Variants in GABPB2 observed in about 807,000 individuals in gnomAD.
GABPB2 encodes the protein GA binding protein transcription factor subunit beta 2, also known as GA-binding protein subunit beta-2.
Under a neutral mutation model 39.1 loss-of-function variants are expected in GABPB2, and 23 were observed. The ratio of observed to expected loss-of-function variants is 0.59; its 90% CI spans 0.42 to 0.83. The LOEUF is 0.83. Ranked by LOEUF, GABPB2 falls within the 40% of genes least tolerant of loss-of-function variation. The probability of loss-of-function intolerance (pLI) is 0.00; values close to 1 mark genes in which losing one functional copy is unlikely to be tolerated. For missense variants in GABPB2, 467 were observed against 541.1 expected, an observed-to-expected ratio of 0.86 and a Z score of 1.36; for synonymous variants, 184 against 199.3, an observed-to-expected ratio of 0.92 and a Z score of 0.65.
intron 3 of GABPB2, among the ~76,000 whole-genome samples, chr1:151,091,982 G>A (rs2101495948): frequency 6.6e-6 from 1 of 151,722 alleles, no homozygotes. Context: ...GTAGAGAATA[G>A]GGTCTCGTTG....
rs71090131 is a variant in GABPB2 at position 151,111,248 on chromosome 1, C to CT, written c.922+4039dup. On this transcript the variant is annotated intron_variant, in intron 7 of 8. Coordinates refer to ENST00000368918, the MANE Select transcript of GABPB2 (RefSeq NM_144618.3). ...CTACAGCTCCCGAAATTTTTTTTTT[C>CT]TTTTTTTTTTTTTGAGACGGAGTCT... Among the ~76,000 whole-genome samples the CT allele has an allele frequency of 7.0e-3, 1,005 of 142,628 alleles. 5 individuals carry two copies. The highest frequency in any genetic ancestry group is 0.01 in the Non-Finnish European group (656 of 64,822). 93.6% of individuals were successfully genotyped at this position (142,628 alleles called of 152,430 possible).
intron 4 of GABPB2, among the ~76,000 whole-genome samples, chr1:151,094,340 C>T (rs1395489655): frequency 6.6e-6 from 1 of 151,426 alleles, no homozygotes; most frequent in Non-Finnish European, 1.5e-5. Flanking sequence ...GTGTCAGCCA[C>T]TGTGCCGGCT....
chr1:151,124,510 C>T lies in GABPB2; in HGVS notation c.*6254C>T, dbSNP rs901245872. On this transcript the variant is annotated 3_prime_UTR_variant, in exon 9 of 9. Transcript: ENST00000368918. Reference sequence around the variant, plus strand: ...CCATTTTAAGAAAGCTTGTGTGGCTCTCTCCTATCATTACAGACCTCCAGA... The same window carrying T: ...CCATTTTAAGAAAGCTTGTGTGGCTTTCTCCTATCATTACAGACCTCCAGA... The T allele has an allele frequency of 1.3e-4, 19 of 149,706 alleles. No homozygotes were observed. The highest frequency in any genetic ancestry group is 2.4e-4 in the Non-Finnish European group (16 of 67,724). The allele number at this position is 149,706 out of a possible 1,614,324, so 9.3% of individuals were successfully genotyped here. A position where few individuals can be genotyped will look rare whatever the true frequency, so the allele number is the denominator to read the frequency against.
chr1:151,081,629 CATT>C (rs1398743412), intron 1 of GABPB2, among the ~76,000 whole-genome samples: 1 of 151,846 alleles, frequency 6.6e-6, no homozygotes, highest in African/African-American at 2.4e-5. Context: ...GCTGCATTCT[CATT>C]ATTATTTATT....
rs866679913 is a variant in GABPB2, at chr1:151,123,947, G to C, written c.*5691G>C. On this transcript the variant is annotated 3_prime_UTR_variant, in exon 9 of 9. Coordinates refer to ENST00000368918, the MANE Select transcript of GABPB2 (RefSeq NM_144618.3). Reference sequence around the variant, plus strand: ...TGTAATCCCAGCACTTTGGGAGGCCGAGATGGGAGGATCACTTGAGGCCAG... The same window carrying C: ...TGTAATCCCAGCACTTTGGGAGGCCCAGATGGGAGGATCACTTGAGGCCAG... 1.3e-5 allele frequency: 2 copies of C among 150,748 alleles called. No homozygotes were observed. Among genetic ancestry groups the C allele is most frequent in the African/African-American group, 4.9e-5 (2 of 41,026 alleles). The allele number at this position is 150,748 out of a possible 1,614,324, so 9.3% of individuals were successfully genotyped here. A position where few individuals can be genotyped will look rare whatever the true frequency, so the allele number is the denominator to read the frequency against.
intron 5 of GABPB2, among the ~76,000 whole-genome samples, chr1:151,099,228 C>T (rs191477400): frequency 1.7e-3 from 251 of 151,612 alleles, no homozygotes; most frequent in Non-Finnish European, 3.0e-3. Context: ...GGCGGAGTCT[C>T]GCTGTGTTTC....
intron 1 of GABPB2, among the ~76,000 whole-genome samples, chr1:151,086,807 A>AT (rs1171724862): frequency 6.6e-6 from 1 of 151,962 alleles, no homozygotes; most frequent in Non-Finnish European, 1.5e-5. Context: ...AGCTGAGACT[A>AT]TAGGCACGTA....
At chr1:151,088,651 C>T (rs1165162124) in intron 2 of GABPB2, 1 of 285,554 alleles carries the variant, frequency 3.5e-6, no homozygotes, top group Non-Finnish European at 6.7e-6. Context: ...AATAAGAATG[C>T]ATTCCTAGAC....
At chr1:151,116,624 T>G (rs1284194346) in intron 7 of GABPB2, among the ~76,000 whole-genome samples, 3 of 152,118 alleles carry the variant, frequency 2.0e-5, no homozygotes, top group Non-Finnish European at 2.9e-5. Context: ...TTTGTTTGTT[T>G]TAAGACAGGG....
intron 2 of GABPB2, among the ~76,000 whole-genome samples, chr1:151,089,456 A>G (rs1558135907): frequency 1.3e-5 from 2 of 152,212 alleles, no homozygotes; most frequent in Admixed American, 6.5e-5. Flanking sequence ...TACAAGATTT[A>G]CACTGGGATG....
chr1:151,113,563 A>G (rs1680635609), intron 7 of GABPB2, among the ~76,000 whole-genome samples: 1 of 151,966 alleles, frequency 6.6e-6, no homozygotes, highest in South Asian at 2.1e-4. Context: ...TATATCCTAA[A>G]ACGTAAATAT....
At chr1:151,077,980 A>G (rs1473191928) in intron 1 of GABPB2, among the ~76,000 whole-genome samples, 2 of 151,032 alleles carry the variant, frequency 1.3e-5, no homozygotes, top group Admixed American at 6.6e-5. Context: ...TTAGAATAAT[A>G]AAAATAAAGG....
Position 151,090,354 on chromosome 1 carries a change from G to A in GABPB2, c.109-52G>A, listed in dbSNP as rs587614320. On this transcript the variant is annotated intron_variant, in intron 2 of 8. Coordinates refer to ENST00000368918, the MANE Select transcript of GABPB2 (RefSeq NM_144618.3). ...TGTTCATTTGTATCTCTCCAGTAAC[G>A]ATCTAGGACTCTGCACACAGTGGAT... The A allele has an allele frequency of 8.5e-5, 130 of 1,523,370 alleles. 2 individuals carry two copies. The South Asian group carries it at 1.4e-3, about 16-fold the overall frequency. The allele number at this position is 1,523,370 out of a possible 1,614,324, so 94.4% of individuals were successfully genotyped here.
intron 1 of GABPB2, among the ~76,000 whole-genome samples, chr1:151,079,209 CATTT>C (rs1166394408): frequency 6.6e-6 from 1 of 151,946 alleles, no homozygotes; most frequent in Non-Finnish European, 1.5e-5. Context: ...GGTTGGTTGT[CATTT>C]AGTAGTATTG....
At chr1:151,072,529 A>T (rs1046149941) in intron 1 of GABPB2, among the ~76,000 whole-genome samples, 1 of 151,694 alleles carries the variant, frequency 6.6e-6, no homozygotes, top group African/African-American at 2.4e-5. Flanking sequence ...AGCCTGGACC[A>T]CAGAGTGAGG....
intron 1 of GABPB2, among the ~76,000 whole-genome samples, chr1:151,081,014 A>G (rs1360137764): frequency 2.7e-5 from 4 of 150,020 alleles, no homozygotes; most frequent in East Asian, 4.1e-4. Context: ...CTGGGACTAC[A>G]CGGGCCCACC....
At chr1:151,091,501 G>GTCTCGCAC in intron 3 of GABPB2, among the ~76,000 whole-genome samples, 1 of 121,900 alleles carries the variant, frequency 8.2e-6, no homozygotes, top group South Asian at 2.9e-4. Flanking sequence ...AAAAGATGAA[G>GTCTCGCAC]TCTCGCACTA....
At chr1:151,099,032 C>G (rs587646673) in intron 5 of GABPB2, among the ~76,000 whole-genome samples, 1 of 146,782 alleles carries the variant, frequency 6.8e-6, no homozygotes, top group African/African-American at 2.5e-5. Context: ...TGCAGTGAGC[C>G]GAGATTGCGC....
rs1440581517 is a variant in GABPB2 at position 151,098,002 on chromosome 1, G to A, written c.622G>A (p.Gly208Ser). ...TTCAACCAACACCAAAACAACCTCA[G>A]GTAATGTTCTGATAACATGAAATTT... ...ISSTNTKTTS[G>S]DPHASTVQFS... Residue 208 changes from glycine to serine, a missense_variant and splice_region_variant, in exon 5 of 9, where the codon GGT (glycine) becomes AGT (serine). Transcript: ENST00000368918. 1 of 1,613,504 alleles carries A rather than the reference G, an allele frequency of 6.2e-7. No individual in the cohort carries two copies. The highest frequency in any genetic ancestry group is 1.7e-5 in the Admixed American group (1 of 59,868).
Sources: allele counts gnomAD v4.1 joint callset (sites outside exome capture counted in the v4.1 genomes callset), GRCh38; gene constraint gnomAD v4.1.1; transcripts MANE v1.5; gene names NCBI Gene and HGNC (gene_info 2026-07-23, HGNC 2026-07-21).